AGO2: variants seen among roughly 807,000 people sequenced by gnomAD.
AGO2 encodes the protein argonaute RISC catalytic component 2.
AGO2 carries 5 observed loss-of-function variants against 102.3 expected under a neutral mutation model. That is an observed-to-expected ratio of 0.05 (90% CI 0.03 to 0.10). AGO2 has a LOEUF of 0.10. Among genes scored for constraint, AGO2 ranks in the 10% least tolerant of loss-of-function variants. AGO2 has a pLI of 1.00. For missense variants in AGO2, 541 were observed against 1,183.7 expected (o/e 0.46, Z 7.97); for synonymous variants, 449 against 473.1 (o/e 0.95, Z 0.66).
At chr8:140,590,801 C>T (rs952171418) in intron 1 of AGO2, among the ~76,000 whole-genome samples, 2 of 152,196 alleles carry the variant, frequency 1.3e-5, no homozygotes, top group African/African-American at 4.8e-5. Flanking sequence ...TGCACAGGCT[C>T]AGAGAATACG....
At chr8:140,639,493 A>AAC (rs2074429036), upstream of AGO2, among the ~76,000 whole-genome samples, 1 of 148,636 alleles carries the variant, frequency 6.7e-6, no homozygotes, top group Admixed American at 6.7e-5. Flanking sequence ...AAAAAAAAAA[A>AAC]ACTAAGCAGG....
At chr8:140,623,673 T>C (rs1204331583) in intron 1 of AGO2, among the ~76,000 whole-genome samples, 1 of 152,066 alleles carries the variant, frequency 6.6e-6, no homozygotes, top group East Asian at 1.9e-4. Context: ...CCATCAGTGC[T>C]ATGGATGCAG....
chr8:140,599,622 C>A (rs925682605), intron 1 of AGO2, among the ~76,000 whole-genome samples: 3 of 152,184 alleles, frequency 2.0e-5, no homozygotes, highest in African/African-American at 7.2e-5. Flanking sequence ...ACCCGGGGTG[C>A]TCAAAGCCAT....
chr8:140,537,521 TGAACTCTTG>T (rs2072718823), intron 16 of AGO2, among the ~76,000 whole-genome samples: 1 of 152,146 alleles, frequency 6.6e-6, no homozygotes, highest in African/African-American at 2.4e-5. Context: ...AGGCTAGTCT[TGAACTCTTG>T]GACTAATACG....
chr8:140,539,214 C>T lies in AGO2; in HGVS notation c.2169+106G>A. The T allele has an allele frequency of 1.4e-6, 2 of 1,471,292 alleles. No homozygotes were observed. The highest frequency in any genetic ancestry group is 1.4e-5 in the South Asian group (1 of 72,668). 91.1% of individuals were successfully genotyped at this position (1,471,292 alleles called of 1,614,324 possible). A position where few individuals can be genotyped will look rare whatever the true frequency, so the allele number is the denominator to read the frequency against. On this transcript the variant is annotated intron_variant, in intron 16 of 18. Transcript: ENST00000220592. This position sits in a 1 kb window ranked among gnomAD's most constrained non-coding sequence, Gnocchi z 4.7. ...CTTAGAGGACAGAGTCACCCTAGAGCCTGGGACAGCGGCACTGTGGCCAGC... is the reference window on the plus strand; with the variant it reads ...CTTAGAGGACAGAGTCACCCTAGAGTCTGGGACAGCGGCACTGTGGCCAGC...
intron 1 of AGO2, among the ~76,000 whole-genome samples, chr8:140,604,334 A>C (rs2073966856): frequency 6.6e-6 from 1 of 152,236 alleles, no homozygotes; most frequent in African/African-American, 2.4e-5. Context: ...GAAAATGCTT[A>C]GGTATGTTGA....
chr8:140,584,482 T>C (rs77229590), intron 2 of AGO2, among the ~76,000 whole-genome samples: 2,670 of 152,328 alleles, frequency 0.018, 60 homozygotes, highest in African/African-American at 0.059. Flanking sequence ...ATTCTACTCC[T>C]AGGTATTTAT....
At chr8:140,624,815 G>A (rs2074255358) in intron 1 of AGO2, among the ~76,000 whole-genome samples, 1 of 150,130 alleles carries the variant, frequency 6.7e-6, no homozygotes, top group African/African-American at 2.4e-5. Context: ...TCAACAAGAC[G>A]ATGCCACTGG....
chr8:140,638,722 A>C (rs541469021), upstream of AGO2, among the ~76,000 whole-genome samples: 1 of 152,066 alleles, frequency 6.6e-6, no homozygotes, highest in African/African-American at 2.4e-5. Context: ...CCACAGGTGC[A>C]TGCCACCATG....
At chr8:140,533,677 TACGCC>T (rs1320633532) in intron 17 of AGO2, among the ~76,000 whole-genome samples, 1 of 151,032 alleles carries the variant, frequency 6.6e-6, no homozygotes, top group Non-Finnish European at 1.5e-5. Flanking sequence ...TGTGGTTGCG[TACGCC>T]TGTAATCCCA....
Position 140,619,734 on chromosome 8 carries a change from C to G in AGO2, c.22+15751G>C, listed in dbSNP as rs77697939. Among the ~76,000 whole-genome samples, 3 of 152,236 alleles carry G rather than the reference C, an allele frequency of 2.0e-5. No individual in the cohort carries two copies. In the South Asian group the frequency reaches 6.2e-4, roughly 32 times the overall value. ...GGCAACTCTCCACACTCTACAGGCA[C>G]GCTAGGTTTCAACGAATAAGCAAAC... On this transcript the variant is annotated intron_variant, in intron 1 of 18. Coordinates refer to ENST00000220592, the MANE Select transcript of AGO2 (RefSeq NM_012154.5).
chr8:140,541,063 A>T (rs2072788767), intron 15 of AGO2, 101 bp downstream of exon 15: 3 of 1,323,206 alleles, frequency 2.3e-6, no homozygotes, highest in African/African-American at 3.0e-5. Context: ...GCCGAATGAG[A>T]GCCACATCAT....
chr8:140,625,081 A>G (rs1445253683), intron 1 of AGO2, among the ~76,000 whole-genome samples: 1 of 152,072 alleles, frequency 6.6e-6, no homozygotes, highest in East Asian at 1.9e-4. Context: ...TTAAAGACTA[A>G]GTCAGCTGGC....
rs774831319 is a variant in AGO2, at chr8:140,539,262, G to A, written c.2169+58C>T. On this transcript the variant is annotated intron_variant, in intron 16 of 18. Coordinates refer to ENST00000220592, the MANE Select transcript of AGO2 (RefSeq NM_012154.5). This position sits in a 1 kb window ranked among gnomAD's most constrained non-coding sequence, Gnocchi z 4.7. Reference sequence around the variant, plus strand: ...AGCAGGTTCTCTTGTGAGTGTGCTCGGGGTGTGGGGCTGAGGGGAGAACCG... The same window carrying A: ...AGCAGGTTCTCTTGTGAGTGTGCTCAGGGTGTGGGGCTGAGGGGAGAACCG... The A allele has an allele frequency of 5.6e-5, 87 of 1,544,472 alleles. No individual in the cohort carries two copies. The highest frequency in any genetic ancestry group is 6.3e-5 in the Non-Finnish European group (72 of 1,143,732).
Position 140,604,642 on chromosome 8 carries a change from C to T in AGO2, c.23-19331G>A, listed in dbSNP as rs186549086. ...GAGATAGAGACCATACTGGCCAACA[C>T]GGTGAAACCCCGTCTCTACTAAAAA... On this transcript the variant is annotated intron_variant, in intron 1 of 18. Coordinates refer to ENST00000220592, the MANE Select transcript of AGO2 (RefSeq NM_012154.5). Among the ~76,000 whole-genome samples the T allele has an allele frequency of 6.1e-3, 921 of 151,950 alleles. 10 individuals are homozygous for T. The highest frequency in any genetic ancestry group is 0.022 in the African/African-American group (897 of 41,446).
At chr8:140,556,584 T>C (rs971495183) in intron 8 of AGO2, among the ~76,000 whole-genome samples, 13 of 152,100 alleles carry the variant, frequency 8.5e-5, no homozygotes, top group African/African-American at 3.1e-4. Flanking sequence ...CTGGGCTCTC[T>C]CCAGTCTTCG....
rs1318577500 is a variant in AGO2 at position 140,524,352 on chromosome 8, A to G, written c.*7692T>C. The stretch of plus-strand genomic sequence containing the variant: ...TGCATAAGAGATGGGTCTTGCACCA[A>G]TCTCCTGCAATCCTGGCAGAGGTGG... On this transcript the variant is annotated 3_prime_UTR_variant, in exon 19 of 19. Coordinates refer to ENST00000220592, the MANE Select transcript of AGO2 (RefSeq NM_012154.5). 6.6e-6 allele frequency: 1 copy of G among 152,218 alleles called. No homozygotes were observed. Among genetic ancestry groups the G allele is most frequent in the Non-Finnish European group, 1.5e-5 (1 of 68,046 alleles). The allele number at this position is 152,218 out of a possible 1,614,324, so 9.4% of individuals were successfully genotyped here. A position where few individuals can be genotyped will look rare whatever the true frequency, so the allele number is the denominator to read the frequency against.
chr8:140,556,939 A>G lies in AGO2; in HGVS notation c.1026+150T>C, dbSNP rs1303839884. 4 of 1,156,028 alleles carry G rather than the reference A, an allele frequency of 3.5e-6. No homozygotes were observed. The African/African-American group carries it at 6.2e-5, about 18-fold the overall frequency. The allele number at this position is 1,156,028 out of a possible 1,614,324, so 71.6% of individuals were successfully genotyped here. A position where few individuals can be genotyped will look rare whatever the true frequency, so the allele number is the denominator to read the frequency against. ...TGAAGGCAAAACCGAGGTGTAACAA[A>G]GCCCATTAACCCACCCGCATTCCTG... On this transcript the variant is annotated intron_variant, in intron 8 of 18. Coordinates refer to ENST00000220592, the MANE Select transcript of AGO2 (RefSeq NM_012154.5).
intron 1 of AGO2, among the ~76,000 whole-genome samples, chr8:140,587,649 T>C (rs1305910128): frequency 1.3e-5 from 2 of 152,194 alleles, no homozygotes; most frequent in Non-Finnish European, 2.9e-5. Flanking sequence ...ATGCCCACCC[T>C]GGGCTGTGAG....
Sources: gnomAD v4.1 joint callset for allele counts (sites outside exome capture counted in the v4.1 genomes callset) on GRCh38, gnomAD v4.1.1 for gene constraint, Gnocchi (gnomAD v3.1) non-coding constraint, MANE v1.5 for transcripts, NCBI Gene and HGNC (gene_info 2026-07-23, HGNC 2026-07-21) for gene names.